The following GABRB3 variants were observed in gnomAD, a reference collection of about 807,000 sequenced individuals.
GABRB3 encodes gamma-aminobutyric acid type A receptor subunit beta3, also known as gamma-aminobutyric acid receptor subunit beta-3.
GABRB3 carries 14 observed loss-of-function variants against 52.1 expected under a neutral mutation model. That is an observed-to-expected ratio of 0.27 (90% CI 0.18 to 0.42). GABRB3 has a LOEUF of 0.42. Among genes scored for constraint, GABRB3 ranks in the 10% least tolerant of loss-of-function variants. The pLI is 1.00. For missense variants in GABRB3, 307 were observed against 609.1 expected, an observed-to-expected ratio of 0.50 and a Z score of 5.22; for synonymous variants, 260 against 232.3, an observed-to-expected ratio of 1.12 and a Z score of -1.08.
At chr15:26,599,385 A>G (rs1891505492) in intron 4 of GABRB3, among the ~76,000 whole-genome samples, 1 of 152,202 alleles carries the variant, frequency 6.6e-6, no homozygotes, top group Non-Finnish European at 1.5e-5. Context: ...CATCCTAAAC[A>G]GTGACCCCAC....
intron 3 of GABRB3, among the ~76,000 whole-genome samples, chr15:26,716,358 G>A (rs972472713): frequency 3.9e-5 from 6 of 152,092 alleles, no homozygotes; most frequent in African/African-American, 7.2e-5. Context: ...TATTTATAGA[G>A]AACCACAGGC....
chr15:26,773,080 G>A (rs1891203642), upstream of GABRB3: 1 of 1,009,192 alleles, frequency 9.9e-7, no homozygotes, highest in Non-Finnish European at 1.2e-6. Flanking sequence ...CCGGAGCGGA[G>A]GAGGGCGGAG....
intron 3 of GABRB3, among the ~76,000 whole-genome samples, chr15:26,733,691 G>T (rs1405245674): frequency 1.3e-5 from 2 of 152,110 alleles, no homozygotes; most frequent in African/African-American, 4.8e-5. Context: ...AAAGAACAAA[G>T]CTTGAGCACT....
At chr15:26,743,649 G>C (rs1348944775) in intron 3 of GABRB3, among the ~76,000 whole-genome samples, 1 of 152,110 alleles carries the variant, frequency 6.6e-6, no homozygotes, top group Admixed American at 6.5e-5. Flanking sequence ...TAGTTTTTCT[G>C]TATGTTTTGT....
chr15:26,708,672 T>C (rs915649003), intron 3 of GABRB3, among the ~76,000 whole-genome samples: 2 of 152,238 alleles, frequency 1.3e-5, no homozygotes, highest in Non-Finnish European at 2.9e-5. Flanking sequence ...AATCAGCATG[T>C]GCAAAAGACC....
chr15:26,562,842 C>CT (rs33938087), intron 7 of GABRB3, among the ~76,000 whole-genome samples: 116,680 of 152,086 alleles, frequency 0.77, 44,892 homozygotes, highest in East Asian at 0.92. Context: ...TTGAGAAACT[C>CT]TTTTTATGTA....
At chr15:26,591,684 G>A (rs1167049603) in intron 4 of GABRB3, among the ~76,000 whole-genome samples, 3 of 152,172 alleles carry the variant, frequency 2.0e-5, no homozygotes, top group African/African-American at 4.8e-5. Context: ...AGAGAAAACA[G>A]CTTGAAAGAA....
rs756844960 is a variant in GABRB3, at chr15:26,567,783, T to A, written c.683-50A>T. The A allele has an allele frequency of 6.3e-6, 10 of 1,591,404 alleles. No homozygotes were observed. In the Admixed American group the frequency reaches 1.7e-4, roughly 27 times the overall value. On this transcript the variant is annotated intron_variant, in intron 6 of 8. Transcript: ENST00000311550. ...ACACTGGAGAAACAACATGGCAGAC[T>A]AAAGAGTTTGCTTTGACTTCCATAG...
At chr15:26,721,046 C>A (rs1889630294) in intron 3 of GABRB3, among the ~76,000 whole-genome samples, 2 of 152,102 alleles carry the variant, frequency 1.3e-5, no homozygotes, top group Admixed American at 1.3e-4. Context: ...GGCTTTCACC[C>A]TCCTCCATCC....
intron 3 of GABRB3, among the ~76,000 whole-genome samples, chr15:26,674,174 G>A (rs1887985852): frequency 6.6e-6 from 1 of 151,450 alleles, no homozygotes; most frequent in Admixed American, 6.6e-5. Context: ...GGCCGAGGCG[G>A]GCCGATCACC....
At chr15:26,727,936 T>C (rs1284300758) in intron 3 of GABRB3, among the ~76,000 whole-genome samples, 2 of 152,206 alleles carry the variant, frequency 1.3e-5, no homozygotes, top group Admixed American at 1.3e-4. Context: ...ATTTCAGAAA[T>C]TCTATCACGT....
At chr15:26,665,661 G>A (rs867934482) in intron 3 of GABRB3, among the ~76,000 whole-genome samples, 1 of 152,160 alleles carries the variant, frequency 6.6e-6, no homozygotes, top group Non-Finnish European at 1.5e-5. Context: ...CACTCATGTT[G>A]GAAGGGCTGG....
intron 4 of GABRB3, among the ~76,000 whole-genome samples, chr15:26,605,289 A>T (rs967325501): frequency 1.3e-5 from 2 of 152,218 alleles, no homozygotes; most frequent in African/African-American, 4.8e-5. Flanking sequence ...TGTAGAGAAA[A>T]GGGAACCTCG....
At chr15:26,646,215 C>T (rs1447840953) in intron 3 of GABRB3, among the ~76,000 whole-genome samples, 7 of 152,136 alleles carry the variant, frequency 4.6e-5, no homozygotes, top group Admixed American at 3.3e-4. Flanking sequence ...TGCAGTGACT[C>T]TCCCTTCACA....
rs59810588 is a variant in GABRB3 at position 26,564,679 on chromosome 15, G to GGGAA, written c.835+2898_835+2901dup. On this transcript the variant is annotated intron_variant, in intron 7 of 8. Transcript: ENST00000311550. Reference sequence around the variant, plus strand: ...AGCTGTGCTATAAGACTAGGTGCTTGGGAAGGGGTGGCAGGAAGGGGGATT... The same window carrying GGGAA: ...AGCTGTGCTATAAGACTAGGTGCTTGGGAAGGAAGGGGTGGCAGGAAGGGGGATT... Among the ~76,000 whole-genome samples the GGGAA allele has an allele frequency of 2.8e-3, 429 of 152,294 alleles. 1 individual carries two copies. The highest frequency in any genetic ancestry group is 9.7e-3 in the African/African-American group (402 of 41,570).
At chr15:26,606,839 T>C (rs1385360754) in intron 4 of GABRB3, among the ~76,000 whole-genome samples, 7 of 140,076 alleles carry the variant, frequency 5.0e-5, no homozygotes, top group Non-Finnish European at 1.1e-4. Flanking sequence ...GATAGATAGA[T>C]AGATATGGTT....
At position 26,546,866 on chromosome 15, in the gene GABRB3, T is replaced by C. The variant is rs1330226659; in HGVS notation, c.*927A>G. 1 of 151,818 alleles carries C rather than the reference T, an allele frequency of 6.6e-6. No homozygotes were observed. The highest frequency in any genetic ancestry group is 1.5e-5 in the Non-Finnish European group (1 of 67,970). The allele number at this position is 151,818 out of a possible 1,614,324, so 9.4% of individuals were successfully genotyped here. On this transcript the variant is annotated 3_prime_UTR_variant, in exon 9 of 9. Coordinates refer to ENST00000311550, the MANE Select transcript of GABRB3 (RefSeq NM_000814.6). ...AAAATCATCCTAGATGGTTTTACCTTAGAGTAACGAATAACCTGAGACGTC... is the reference window on the plus strand; with the variant it reads ...AAAATCATCCTAGATGGTTTTACCTCAGAGTAACGAATAACCTGAGACGTC...
At position 26,561,194 on chromosome 15, in the gene GABRB3, TG is replaced by T. The variant is rs779616935; in HGVS notation, c.836-19del. Reference sequence around the variant, plus strand: ...TGTGATCCCTAGAAAAGAAACAAAGTGGTGAGAGGCTGAAACTTTGCCACAT... The same window carrying T: ...TGTGATCCCTAGAAAAGAAACAAAGTGTGAGAGGCTGAAACTTTGCCACAT... On this transcript the variant is annotated intron_variant, in intron 7 of 8. Transcript: ENST00000311550. The T allele has an allele frequency of 1.4e-4, 219 of 1,612,904 alleles. No individual in the cohort carries two copies. The highest frequency in any genetic ancestry group is 1.8e-4 in the Non-Finnish European group (215 of 1,180,018).
chr15:26,602,761 G>A (rs1380131497), intron 4 of GABRB3, among the ~76,000 whole-genome samples: 2 of 151,918 alleles, frequency 1.3e-5, no homozygotes, highest in African/African-American at 4.8e-5. Flanking sequence ...TATAGCAAAA[G>A]CAGTAAGTAC....
Sources: allele counts gnomAD v4.1 joint callset (sites outside exome capture counted in the v4.1 genomes callset), GRCh38; gene constraint gnomAD v4.1.1; transcripts MANE v1.5; gene names NCBI Gene and HGNC (gene_info 2026-07-23, HGNC 2026-07-21).